The following CNTNAP2 variants were observed in gnomAD, a reference collection of about 807,000 sequenced individuals.
The protein encoded by CNTNAP2 is contactin associated protein 2.
A neutral mutation model predicts 155.2 loss-of-function variants in CNTNAP2; 98 were observed. The ratio of observed to expected loss-of-function variants is 0.63; its 90% CI spans 0.54 to 0.75. The LOEUF (loss-of-function observed/expected upper bound fraction) is 0.75. CNTNAP2 is among the 30% of genes least tolerant of loss of function. The pLI is 0.00. For synonymous variants in CNTNAP2, 651 were observed against 631.2 expected (o/e 1.03, Z -0.47); for missense variants, 1,727 against 1,688.1 (o/e 1.02, Z -0.40).
At chr7:146,535,321 T>TC (rs369720383) in intron 1 of CNTNAP2, among the ~76,000 whole-genome samples, 8 of 65,118 alleles carry the variant, frequency 1.2e-4, no homozygotes, top group Admixed American at 2.0e-4. Flanking sequence ...ATATCATATA[T>TC]ATTATATATT....
At chr7:147,406,252 C>T (rs540347506) in intron 10 of CNTNAP2, among the ~76,000 whole-genome samples, 151 of 152,174 alleles carry the variant, frequency 9.9e-4, no homozygotes, top group African/African-American at 3.1e-3. Flanking sequence ...ACATTGTTAT[C>T]TGGTTTATTA....
intron 1 of CNTNAP2, among the ~76,000 whole-genome samples, chr7:146,141,716 A>T (rs751089142): frequency 2.0e-5 from 3 of 152,078 alleles, no homozygotes; most frequent in Non-Finnish European, 2.9e-5. Flanking sequence ...TAAAAATCTG[A>T]TTTCCTTTTA....
At chr7:146,601,678 A>G (rs972592940) in intron 1 of CNTNAP2, among the ~76,000 whole-genome samples, 2 of 152,154 alleles carry the variant, frequency 1.3e-5, no homozygotes, top group African/African-American at 2.4e-5. Flanking sequence ...GAAAAACAAC[A>G]TGGGAGAGCT....
At chr7:147,169,327 T>G (rs1802180991) in intron 8 of CNTNAP2, among the ~76,000 whole-genome samples, 1 of 152,144 alleles carries the variant, frequency 6.6e-6, no homozygotes, top group Admixed American at 6.5e-5. Context: ...CACAGGTTTG[T>G]TAAATGGAAA....
chr7:146,588,516 G>T (rs141451018), intron 1 of CNTNAP2, among the ~76,000 whole-genome samples: 3 of 56,346 alleles, frequency 5.3e-5, no homozygotes, highest in Admixed American at 1.1e-4. Context: ...CTTATTATAT[G>T]TATTTTTTTT....
chr7:146,421,844 C>T (rs1796016113), intron 1 of CNTNAP2, among the ~76,000 whole-genome samples: 1 of 151,824 alleles, frequency 6.6e-6, no homozygotes, highest in South Asian at 2.1e-4. Context: ...TTACAAATTT[C>T]CCAATTATAT....
intron 3 of CNTNAP2, among the ~76,000 whole-genome samples, chr7:147,005,193 T>A (rs1196834899): frequency 2.6e-5 from 4 of 152,064 alleles, no homozygotes; most frequent in African/African-American, 9.6e-5. Context: ...TATTTTTGTA[T>A]TATTCTCTCT....
chr7:147,336,255 T>C (rs559998282), intron 9 of CNTNAP2, among the ~76,000 whole-genome samples: 1 of 152,288 alleles, frequency 6.6e-6, no homozygotes, highest in African/African-American at 2.4e-5. Flanking sequence ...TTTGCTGTTG[T>C]TGTTGCCATT....
At chr7:148,086,533 A>G (rs59872424) in intron 15 of CNTNAP2, among the ~76,000 whole-genome samples, 3 of 152,212 alleles carry the variant, frequency 2.0e-5, no homozygotes, top group Admixed American at 1.3e-4. Flanking sequence ...AAATTGTTGT[A>G]AATACAAAGG....
intron 16 of CNTNAP2, among the ~76,000 whole-genome samples, chr7:148,137,785 T>C (rs1165498951): frequency 6.6e-6 from 1 of 152,210 alleles, no homozygotes; most frequent in Non-Finnish European, 1.5e-5. Flanking sequence ...AAAGTCTCTG[T>C]TGATCTGCAG....
Position 147,175,546 on chromosome 7 carries a change from G to C in CNTNAP2, c.1348+43037G>C, listed in dbSNP as rs560553762. ...ACAGAACCTGCCCTTCCCTCCCAGT[G>C]AAACCACTATGAGGTGAAAAATAGT... On this transcript the variant is annotated intron_variant, in intron 8 of 23. Coordinates refer to ENST00000361727, the MANE Select transcript of CNTNAP2 (RefSeq NM_014141.6). 2.6e-5 allele frequency among the ~76,000 whole-genome samples: 4 copies of C among 152,242 alleles called. No individual in the cohort carries two copies. In the South Asian group the frequency reaches 6.2e-4, roughly 24 times the overall value.
intron 3 of CNTNAP2, among the ~76,000 whole-genome samples, chr7:146,974,965 C>CT (rs1797879519): frequency 6.6e-6 from 1 of 151,904 alleles, no homozygotes; most frequent in Non-Finnish European, 1.5e-5. Context: ...GAGAGAGACT[C>CT]TATCTAAAAA....
intron 1 of CNTNAP2, among the ~76,000 whole-genome samples, chr7:146,131,105 A>C (rs913608164): frequency 6.6e-6 from 1 of 152,208 alleles, no homozygotes; most frequent in Admixed American, 6.5e-5. Flanking sequence ...TTCACATAAC[A>C]TTTTTGAGAG....
chr7:147,891,625 A>G (rs1799696083), intron 13 of CNTNAP2, among the ~76,000 whole-genome samples: 1 of 152,242 alleles, frequency 6.6e-6, no homozygotes, highest in South Asian at 2.1e-4. Context: ...ACTATTTCCC[A>G]ATATATTTAA....
chr7:146,423,236 T>G (rs988019730), intron 1 of CNTNAP2, among the ~76,000 whole-genome samples: 1 of 152,172 alleles, frequency 6.6e-6, no homozygotes, highest in African/African-American at 2.4e-5. Context: ...CATATTGAAC[T>G]TTCTGTCTTT....
chr7:147,885,528 G>A (rs910486306), intron 13 of CNTNAP2, among the ~76,000 whole-genome samples: 5 of 150,512 alleles, frequency 3.3e-5, no homozygotes, highest in African/African-American at 4.9e-5. Flanking sequence ...CCGCCACCCC[G>A]CCCCATCTTG....
At chr7:146,997,886 G>T (rs959078136) in intron 3 of CNTNAP2, among the ~76,000 whole-genome samples, 1 of 151,954 alleles carries the variant, frequency 6.6e-6, no homozygotes, top group African/African-American at 2.4e-5. Flanking sequence ...TATGGCATTG[G>T]TTGTAATGTC....
rs1800804206 is a variant in CNTNAP2, at chr7:147,108,173, C to G, written c.577C>G (p.His193Asp). The G allele has an allele frequency of 1.2e-6, 2 of 1,613,176 alleles. No homozygotes were observed. ...GGCTGATGTTATCAACTTTGATGGC[C>G]ATGTTGTATTACCATATAGATTCAG... Reference protein sequence around the residue: ...YWADVINFDGHVVLPYRFRNK... With the variant: ...YWADVINFDGDVVLPYRFRNK... Residue 193 changes from histidine (H) to aspartate (D), a missense_variant, in exon 5 of 24, where the codon CAT (histidine) becomes GAT (aspartate). Coordinates refer to ENST00000361727, the MANE Select transcript of CNTNAP2 (RefSeq NM_014141.6).
chr7:146,795,925 C>A (rs932007322), intron 2 of CNTNAP2, among the ~76,000 whole-genome samples: 3 of 151,994 alleles, frequency 2.0e-5, no homozygotes, highest in Admixed American at 2.0e-4. Context: ...CATCACTGTT[C>A]AAAGCATATG....
Sources: gnomAD v4.1 joint callset for allele counts (sites outside exome capture counted in the v4.1 genomes callset) on GRCh38, gnomAD v4.1.1 for gene constraint, MANE v1.5 for transcripts, NCBI Gene and HGNC (gene_info 2026-07-23, HGNC 2026-07-21) for gene names.